CNTNAP2: variants seen among roughly 807,000 people sequenced by gnomAD.
CNTNAP2 encodes the protein contactin associated protein 2.
Under a neutral mutation model 155.2 loss-of-function variants are expected in CNTNAP2, and 98 were observed. The ratio of observed to expected loss-of-function variants is 0.63; its 90% CI spans 0.54 to 0.75. The LOEUF (loss-of-function observed/expected upper bound fraction) is 0.75, where lower values mean the gene tolerates loss of function less well. CNTNAP2 is among the 30% of genes least tolerant of loss of function. CNTNAP2 has a pLI of 0.00. For missense variants in CNTNAP2, 1,727 were observed against 1,688.1 expected (o/e 1.02, Z -0.40); for synonymous variants, 651 against 631.2 (o/e 1.03, Z -0.47).
chr7:146,451,402 T>C (rs1272720256), intron 1 of CNTNAP2, among the ~76,000 whole-genome samples: 1 of 152,156 alleles, frequency 6.6e-6, no homozygotes, highest in Non-Finnish European at 1.5e-5. Context: ...CACTCCTTCA[T>C]GTGTTGTATA....
At chr7:148,410,065 AAAAG>A (rs71188983) in intron 23 of CNTNAP2, among the ~76,000 whole-genome samples, 32,137 of 59,452 alleles carry the variant, frequency 0.54, 6,941 homozygotes, top group East Asian at 0.69. Flanking sequence ...AAAAAAAAAA[AAAAG>A]AAAGAAAGAA....
At chr7:146,323,854 A>G (rs1369091538) in intron 1 of CNTNAP2, among the ~76,000 whole-genome samples, 1 of 152,156 alleles carries the variant, frequency 6.6e-6, no homozygotes, top group Non-Finnish European at 1.5e-5. Flanking sequence ...ATTTATTAAC[A>G]TTGCTCCATT....
chr7:147,528,945 A>G (rs1799380578), intron 11 of CNTNAP2, among the ~76,000 whole-genome samples: 1 of 152,244 alleles, frequency 6.6e-6, no homozygotes, highest in Non-Finnish European at 1.5e-5. Flanking sequence ...CAACCATTAG[A>G]TAAACAAGAA....
At chr7:147,565,703 G>A (rs1800157514) in intron 12 of CNTNAP2, among the ~76,000 whole-genome samples, 1 of 152,120 alleles carries the variant, frequency 6.6e-6, no homozygotes, top group South Asian at 2.1e-4. Context: ...CTCAACATAT[G>A]GACTGAGTAG....
At chr7:147,005,494 T>G (rs984589536) in intron 3 of CNTNAP2, among the ~76,000 whole-genome samples, 1 of 152,072 alleles carries the variant, frequency 6.6e-6, no homozygotes, top group Non-Finnish European at 1.5e-5. Context: ...TTAACTTGTA[T>G]ACCTCATTTA....
chr7:147,574,198 A>G (rs966534884), intron 12 of CNTNAP2, among the ~76,000 whole-genome samples: 2 of 152,110 alleles, frequency 1.3e-5, no homozygotes, highest in African/African-American at 4.8e-5. Context: ...TGCTTTATGA[A>G]TGCAATACCT....
chr7:147,490,836 C>T (rs774730502), intron 11 of CNTNAP2, among the ~76,000 whole-genome samples: 11 of 152,168 alleles, frequency 7.2e-5, no homozygotes, highest in Non-Finnish European at 1.5e-4. Context: ...AACTTACCAT[C>T]ATGGTGGAAG....
chr7:146,244,265 G>T (rs963589907), intron 1 of CNTNAP2, among the ~76,000 whole-genome samples: 2 of 151,846 alleles, frequency 1.3e-5, no homozygotes, highest in African/African-American at 2.4e-5. Context: ...GCACCAGGAG[G>T]TATCAGCTTT....
chr7:146,525,447 G>T (rs1216646359), intron 1 of CNTNAP2, among the ~76,000 whole-genome samples: 1 of 151,996 alleles, frequency 6.6e-6, no homozygotes, highest in African/African-American at 2.4e-5. Context: ...ATTGAGAAAA[G>T]GAAATGAGTG....
intron 8 of CNTNAP2, among the ~76,000 whole-genome samples, chr7:147,177,317 G>A (rs1451273116): frequency 2.0e-5 from 3 of 152,078 alleles, no homozygotes; most frequent in Admixed American, 2.0e-4. Context: ...TTTCCCCCAT[G>A]CTGGTTTCCT....
At chr7:147,880,854 GGTGTGT>G (rs71183032) in intron 13 of CNTNAP2, among the ~76,000 whole-genome samples, 36,144 of 142,974 alleles carry the variant, frequency 0.25, 4,508 homozygotes, top group Middle Eastern at 0.37. Flanking sequence ...ATTGGAGTTG[GGTGTGT>G]GTGTGTGTGT....
In CNTNAP2 at chr7:146,668,534, C is replaced by T. The variant is rs144819879; in HGVS notation, c.98-105737C>T. Among the ~76,000 whole-genome samples, 656 of 150,262 alleles carry T rather than the reference C, an allele frequency of 4.4e-3. 1 individual carries two copies. The highest frequency in any genetic ancestry group is 7.0e-3 in the Non-Finnish European group (476 of 67,688). ...TTGCAGAATGAGTTTGGAAGAATTC[C>T]CTCGGCTTCAATTTTTTGAAATAGT... On this transcript the variant is annotated intron_variant, in intron 1 of 23. Transcript: ENST00000361727.
In CNTNAP2 at chr7:146,768,911, G is replaced by T. The variant is rs181250389; in HGVS notation, c.98-5360G>T. On this transcript the variant is annotated intron_variant, in intron 1 of 23. Transcript: ENST00000361727. Reference sequence around the variant, plus strand: ...AAAACCATACTTTTGTGTCAATTACGTATATTCTGAAGTCCTTTAATCTTG... The same window carrying T: ...AAAACCATACTTTTGTGTCAATTACTTATATTCTGAAGTCCTTTAATCTTG... Among the ~76,000 whole-genome samples the T allele has an allele frequency of 2.1e-3, 315 of 152,200 alleles. 1 individual carries two copies. Among genetic ancestry groups the T allele is most frequent in the African/African-American group, 7.4e-3 (306 of 41,544 alleles).
intron 15 of CNTNAP2, among the ~76,000 whole-genome samples, chr7:148,104,755 G>T (rs1251978572): frequency 6.6e-6 from 1 of 152,192 alleles, no homozygotes; most frequent in African/African-American, 2.4e-5. Context: ...ACCACCTGAG[G>T]ACCCGGTGAA....
chr7:148,295,635 G>T (rs1426535454), intron 21 of CNTNAP2, among the ~76,000 whole-genome samples: 1 of 137,758 alleles, frequency 7.3e-6, no homozygotes, highest in Non-Finnish European at 1.6e-5. Context: ...GGGACTACCG[G>T]TGCCCGCCAC....
intron 6 of CNTNAP2, among the ~76,000 whole-genome samples, chr7:147,126,213 G>T (rs1801231194): frequency 6.6e-6 from 1 of 152,148 alleles, no homozygotes; most frequent in Non-Finnish European, 1.5e-5. Flanking sequence ...AGGGTAGGAA[G>T]AAAGGATATG....
At chr7:146,803,714 A>C (rs1282091107) in intron 2 of CNTNAP2, among the ~76,000 whole-genome samples, 1 of 152,246 alleles carries the variant, frequency 6.6e-6, no homozygotes, top group African/African-American at 2.4e-5. Flanking sequence ...AAGAATTGTA[A>C]AAGTGGCAGT....
At chr7:148,326,862 C>T (rs111430559) in intron 21 of CNTNAP2, among the ~76,000 whole-genome samples, 2,681 of 100,912 alleles carry the variant, frequency 0.027, 87 homozygotes, top group African/African-American at 0.098. Context: ...GAGACCCCGT[C>T]TCAAAAAAAA....
intron 13 of CNTNAP2, among the ~76,000 whole-genome samples, chr7:147,861,212 T>G (rs1279663510): frequency 6.6e-6 from 1 of 152,166 alleles, no homozygotes; most frequent in Non-Finnish European, 1.5e-5. Flanking sequence ...ACAAATATGG[T>G]CCCTTGGAAC....
Sources: allele counts gnomAD v4.1 joint callset (sites outside exome capture counted in the v4.1 genomes callset), GRCh38; gene constraint gnomAD v4.1.1; transcripts MANE v1.5; gene names NCBI Gene and HGNC (gene_info 2026-07-23, HGNC 2026-07-21).